FHIT: variants seen among roughly 807,000 people sequenced by gnomAD.
FHIT encodes fragile histidine triad diadenosine triphosphatase.
In FHIT, 19 loss-of-function variants were observed where a neutral mutation model predicts 17.9. That is an observed-to-expected ratio of 1.06 (90% CI 0.74 to 1.56). FHIT has a LOEUF of 1.56. FHIT is among the 40% of genes most tolerant of loss of function. The pLI is 0.00. For missense variants in FHIT, 248 were observed against 189.2 expected, an observed-to-expected ratio of 1.31 and a Z score of -1.82; for synonymous variants, 81 against 69.7, an observed-to-expected ratio of 1.16 and a Z score of -0.81.
chr3:59,760,492 G>A (rs781053552), intron 8 of FHIT, among the ~76,000 whole-genome samples: 5 of 151,224 alleles, frequency 3.3e-5, no homozygotes, highest in Admixed American at 6.6e-5. Context: ...AACATGCTAT[G>A]TACCCTATAT....
At chr3:60,171,925 C>T (rs544236247) in intron 5 of FHIT, among the ~76,000 whole-genome samples, 309 of 152,160 alleles carry the variant, frequency 2.0e-3, no homozygotes, top group Non-Finnish European at 3.5e-3. Flanking sequence ...TATCATACTA[C>T]TGGCCTCAGT....
At chr3:60,283,831 G>T (rs1707585339) in intron 5 of FHIT, among the ~76,000 whole-genome samples, 1 of 151,976 alleles carries the variant, frequency 6.6e-6, no homozygotes, top group Non-Finnish European at 1.5e-5. Flanking sequence ...AAAAAAAGGA[G>T]ACTATGGGCC....
intron 5 of FHIT, among the ~76,000 whole-genome samples, chr3:60,531,769 T>C (rs1031865019): frequency 6.6e-6 from 1 of 152,254 alleles, no homozygotes; most frequent in African/African-American, 2.4e-5. Context: ...AAGCTATTTT[T>C]ATTATTTTTC....
chr3:61,177,660 T>C (rs2038200939), intron 2 of FHIT, among the ~76,000 whole-genome samples: 1 of 152,138 alleles, frequency 6.6e-6, no homozygotes, highest in African/African-American at 2.4e-5. Context: ...CTCTCCACAA[T>C]AGCAGGCCTA....
chr3:59,996,174 A>C (rs1423518005), intron 7 of FHIT, among the ~76,000 whole-genome samples: 1 of 152,096 alleles, frequency 6.6e-6, no homozygotes, highest in Non-Finnish European at 1.5e-5. Context: ...TACTCACAAA[A>C]TCCTAACAGC....
intron 4 of FHIT, among the ~76,000 whole-genome samples, chr3:60,545,198 G>C (rs1205922912): frequency 6.6e-6 from 1 of 151,260 alleles, no homozygotes; most frequent in Non-Finnish European, 1.5e-5. Context: ...AATATAATCT[G>C]TAATTATCTC....
At chr3:59,809,580 A>G (rs977847669) in intron 8 of FHIT, among the ~76,000 whole-genome samples, 1 of 152,176 alleles carries the variant, frequency 6.6e-6, no homozygotes, top group African/African-American at 2.4e-5. Context: ...AAACATGGAA[A>G]AGGCTCTTAG....
At chr3:60,226,877 T>C (rs1254291862) in intron 5 of FHIT, among the ~76,000 whole-genome samples, 1 of 151,396 alleles carries the variant, frequency 6.6e-6, no homozygotes, top group Admixed American at 6.6e-5. Flanking sequence ...ATGTGAGCCA[T>C]TATCTTCTCC....
At chr3:60,213,063 T>C (rs898821640) in intron 5 of FHIT, among the ~76,000 whole-genome samples, 6 of 152,162 alleles carry the variant, frequency 3.9e-5, no homozygotes, top group Admixed American at 6.5e-5. Flanking sequence ...GGTAGCTTCA[T>C]TGGTTTATTG....
chr3:61,032,371 G>A (rs1220157331), intron 3 of FHIT, among the ~76,000 whole-genome samples: 1 of 152,140 alleles, frequency 6.6e-6, no homozygotes, highest in East Asian at 1.9e-4. Flanking sequence ...GGAACATAAG[G>A]TGTACTACCA....
intron 3 of FHIT, among the ~76,000 whole-genome samples, chr3:60,974,445 C>T (rs1389916891): frequency 6.6e-6 from 1 of 152,138 alleles, no homozygotes; most frequent in East Asian, 1.9e-4. Flanking sequence ...AGAATTGCTG[C>T]TGGTTGGTAA....
intron 5 of FHIT, among the ~76,000 whole-genome samples, chr3:60,436,560 T>C (rs1303984339): frequency 8.7e-6 from 1 of 115,418 alleles, no homozygotes; most frequent in African/African-American, 2.6e-5. Context: ...TCTTCACCAA[T>C]GTAAAGGAAA....
intron 4 of FHIT, among the ~76,000 whole-genome samples, chr3:60,583,740 A>C (rs1321288190): frequency 6.6e-6 from 1 of 152,044 alleles, no homozygotes; most frequent in African/African-American, 2.4e-5. Flanking sequence ...TCCTGTATTC[A>C]TTTGCCATAA....
At chr3:60,597,152 G>A (rs972488555) in intron 4 of FHIT, among the ~76,000 whole-genome samples, 1 of 152,006 alleles carries the variant, frequency 6.6e-6, no homozygotes, top group African/African-American at 2.4e-5. Context: ...ATAATGGTTG[G>A]GGGAGGAGAA....
At chr3:60,801,942 A>C (rs1701206012) in intron 4 of FHIT, among the ~76,000 whole-genome samples, 1 of 152,358 alleles carries the variant, frequency 6.6e-6, no homozygotes, top group South Asian at 2.1e-4. Context: ...CATTGAAAGA[A>C]ATCGGCAAAA....
intron 8 of FHIT, among the ~76,000 whole-genome samples, chr3:59,863,618 G>A (rs1054327412): frequency 7.2e-5 from 11 of 152,178 alleles, no homozygotes; most frequent in African/African-American, 2.7e-4. Flanking sequence ...GCTCATAGTA[G>A]GGAGTCACTC....
chr3:60,349,569 C>T (rs1039462099), intron 5 of FHIT, among the ~76,000 whole-genome samples: 5 of 152,058 alleles, frequency 3.3e-5, no homozygotes, highest in Admixed American at 1.3e-4. Context: ...CCAAAAGATT[C>T]ATTGTAAGTC....
At chr3:60,226,456 GAGTGAAAC>G (rs1421683152) in intron 5 of FHIT, among the ~76,000 whole-genome samples, 1 of 103,252 alleles carries the variant, frequency 9.7e-6, no homozygotes, top group Non-Finnish European at 1.9e-5. Context: ...TGGGCAACAA[GAGTGAAAC>G]TCCGTCTCAA....
intron 3 of FHIT, among the ~76,000 whole-genome samples, chr3:60,889,596 C>A (rs1049444992): frequency 1.4e-4 from 22 of 152,138 alleles, no homozygotes; most frequent in Non-Finnish European, 1.2e-4. Context: ...CCAGTGGAGG[C>A]AATAGTGAGG....
Sources: allele counts gnomAD v4.1 joint callset (sites outside exome capture counted in the v4.1 genomes callset), GRCh38; gene constraint gnomAD v4.1.1; transcripts MANE v1.5; gene names NCBI Gene and HGNC (gene_info 2026-07-23, HGNC 2026-07-21).